The following EYS variants were observed in gnomAD, a reference collection of about 807,000 sequenced individuals.
EYS encodes EGF-like photoreceptor maintenance factor, also known as protein eyes shut homolog.
Under a neutral mutation model 282.1 loss-of-function variants are expected in EYS, and 250 were observed. The ratio of observed to expected loss-of-function variants is 0.89; its 90% confidence interval spans 0.80 to 0.98. EYS has a LOEUF of 0.98. EYS is among the 50% of genes least tolerant of loss of function. The pLI is 0.00. For synonymous variants in EYS, 1,355 were observed against 1,282.9 expected (o/e 1.06, Z -1.20); for missense variants, 4,016 against 3,709.0 (o/e 1.08, Z -2.15).
intron 35 of EYS, among the ~76,000 whole-genome samples, chr6:63,983,018 A>G (rs1313294956): frequency 6.6e-6 from 1 of 151,738 alleles, no homozygotes; most frequent in Non-Finnish European, 1.5e-5. Flanking sequence ...TTTTTGCATT[A>G]TTAGATTTTG....
intron 12 of EYS, among the ~76,000 whole-genome samples, chr6:65,084,693 A>G (rs1002104178): frequency 1.3e-5 from 2 of 152,168 alleles, no homozygotes; most frequent in Non-Finnish European, 2.9e-5. Context: ...TTTAAATGCA[A>G]ATTTAATTTT....
chr6:64,548,176 A>G (rs1354578827), intron 26 of EYS, among the ~76,000 whole-genome samples: 1 of 152,182 alleles, frequency 6.6e-6, no homozygotes, highest in Non-Finnish European at 1.5e-5. Flanking sequence ...CAGAGGAGGC[A>G]CCAAGAGCAA....
At chr6:64,083,454 A>G (rs1005085337) in intron 31 of EYS, among the ~76,000 whole-genome samples, 1 of 152,100 alleles carries the variant, frequency 6.6e-6, no homozygotes, top group Non-Finnish European at 1.5e-5. Flanking sequence ...GGCAGAAGTA[A>G]CCTGGTTTCT....
chr6:64,704,509 A>ATAATTATAATATAATACTTATAATT (rs1491172765), intron 22 of EYS, among the ~76,000 whole-genome samples: 1 of 67,554 alleles, frequency 1.5e-5, no homozygotes, highest in African/African-American at 4.1e-5. Context: ...TACTTATAAT[A>ATAATTATAATATAATACTTATAATT]ATATTATAAT....
chr6:64,625,371 G>A (rs553204791), intron 23 of EYS, among the ~76,000 whole-genome samples: 1 of 152,260 alleles, frequency 6.6e-6, no homozygotes, highest in South Asian at 2.1e-4. Flanking sequence ...AAACTGGATA[G>A]CTTACAGAAA....
chr6:63,806,447 G>T, intron 36 of EYS, 75 bp from the exon 37 acceptor site: 3 of 1,265,122 alleles, frequency 2.4e-6, no homozygotes, highest in Non-Finnish European at 3.2e-6. Context: ...ACGTTTTGCT[G>T]ATGCATCTGG....
intron 22 of EYS, among the ~76,000 whole-genome samples, chr6:64,788,085 A>C (rs1342460405): frequency 6.6e-6 from 1 of 151,890 alleles, no homozygotes; most frequent in Non-Finnish European, 1.5e-5. Flanking sequence ...TGTTTGTTTT[A>C]AGTGTTAGAA....
At chr6:64,241,826 C>T (rs150396395) in intron 30 of EYS, among the ~76,000 whole-genome samples, 8,934 of 152,142 alleles carry the variant, frequency 0.059, 384 homozygotes, top group Non-Finnish European at 0.087. Flanking sequence ...CTCTTGTAGG[C>T]ATTTAGTGCT....
At chr6:64,268,318 T>G (rs557570290) in intron 30 of EYS, among the ~76,000 whole-genome samples, 8 of 152,238 alleles carry the variant, frequency 5.3e-5, no homozygotes, top group African/African-American at 1.9e-4. Flanking sequence ...TATAAATAAG[T>G]GTATATATGA....
intron 26 of EYS, among the ~76,000 whole-genome samples, chr6:64,576,350 C>T (rs1380931947): frequency 2.0e-5 from 3 of 151,948 alleles, no homozygotes; most frequent in Admixed American, 2.0e-4. Flanking sequence ...GAATATATGC[C>T]CAACCCCAGG....
At chr6:63,871,953 G>A (rs2149713007) in intron 35 of EYS, among the ~76,000 whole-genome samples, 1 of 152,282 alleles carries the variant, frequency 6.6e-6, no homozygotes, top group Admixed American at 6.5e-5. Context: ...ATTACCACCA[G>A]GAGACAGCCC....
chr6:63,777,303 C>T (rs934493710), intron 40 of EYS, among the ~76,000 whole-genome samples: 1 of 152,152 alleles, frequency 6.6e-6, no homozygotes, highest in Non-Finnish European at 1.5e-5. Context: ...ACTCCTCTTT[C>T]CCAGCTGCTT....
chr6:64,959,250 A>G (rs1325860968), intron 14 of EYS, among the ~76,000 whole-genome samples: 2 of 152,228 alleles, frequency 1.3e-5, no homozygotes, highest in Non-Finnish European at 2.9e-5. Context: ...AATTCCAAGA[A>G]GCAAATTTGC....
At chr6:64,002,522 C>T (rs1224373831) in intron 33 of EYS, among the ~76,000 whole-genome samples, 1 of 152,214 alleles carries the variant, frequency 6.6e-6, no homozygotes, top group Non-Finnish European at 1.5e-5. Context: ...GACTCCCACC[C>T]CTAGATGCTA....
At chr6:64,482,863 C>T (rs758100600) in intron 26 of EYS, among the ~76,000 whole-genome samples, 4 of 151,640 alleles carry the variant, frequency 2.6e-5, no homozygotes, top group Non-Finnish European at 5.9e-5. Flanking sequence ...CCTCAATGAA[C>T]TTCTTGCTAC....
chr6:65,393,405 C>A (rs1032727004), intron 7 of EYS, among the ~76,000 whole-genome samples: 2 of 152,044 alleles, frequency 1.3e-5, no homozygotes, highest in African/African-American at 4.8e-5. Flanking sequence ...ATAATTAACT[C>A]CAAAAGATTA....
chr6:64,483,740 G>A (rs909959970), intron 26 of EYS, among the ~76,000 whole-genome samples: 1 of 151,502 alleles, frequency 6.6e-6, no homozygotes, highest in Non-Finnish European at 1.5e-5. Context: ...ACATTCTAGT[G>A]TTAGCTTCAT....
At chr6:65,516,337 C>G (rs1043294941) in intron 2 of EYS, among the ~76,000 whole-genome samples, 1 of 151,990 alleles carries the variant, frequency 6.6e-6, no homozygotes, top group Non-Finnish European at 1.5e-5. Flanking sequence ...TGTGGCTAGA[C>G]AAAGACCACT....
intron 19 of EYS, among the ~76,000 whole-genome samples, chr6:64,878,947 G>T (rs562258042): frequency 2.5e-4 from 38 of 152,160 alleles, no homozygotes; most frequent in African/African-American, 8.9e-4. Context: ...GCTAGAAACT[G>T]CATTGATATT....
Sources: allele counts gnomAD v4.1 joint callset (sites outside exome capture counted in the v4.1 genomes callset), GRCh38; gene constraint gnomAD v4.1.1; transcripts MANE v1.5; gene names NCBI Gene and HGNC (gene_info 2026-07-23, HGNC 2026-07-21).